The following SELENOI variants were observed in gnomAD, a reference collection of about 807,000 sequenced individuals.
SELENOI encodes ethanolaminephosphotransferase 1.
Under a neutral mutation model 50.7 loss-of-function variants are expected in SELENOI, and 24 were observed. The observed-to-expected ratio is 0.47, with a 90% CI of 0.34 to 0.67. SELENOI has a LOEUF of 0.67. Ranked by LOEUF, SELENOI falls within the 30% of genes least tolerant of loss-of-function variation. The pLI, the probability that SELENOI is intolerant of heterozygous loss-of-function variation, is 0.01. For missense variants in SELENOI, 352 were observed against 461.4 expected, an observed-to-expected ratio of 0.76 and a Z score of 2.17; for synonymous variants, 155 against 170.2, an observed-to-expected ratio of 0.91 and a Z score of 0.70.
intron 8 of SELENOI, among the ~76,000 whole-genome samples, chr2:26,385,370 A>G (rs994814556): frequency 6.6e-6 from 1 of 152,184 alleles, no homozygotes; most frequent in East Asian, 1.9e-4. Context: ...ACTATGGCAC[A>G]CTTAAATTTT....
chr2:26,353,623 A>T (rs1677003231), intron 1 of SELENOI, among the ~76,000 whole-genome samples: 2 of 152,158 alleles, frequency 1.3e-5, no homozygotes. Flanking sequence ...AATGTATTCT[A>T]GTTGTCTTAG....
chr2:26,365,227 T>C (rs552608875), intron 3 of SELENOI, among the ~76,000 whole-genome samples: 3 of 152,320 alleles, frequency 2.0e-5, no homozygotes, highest in Admixed American at 6.5e-5. Flanking sequence ...ATATCCCTTC[T>C]CCTTTTCTAG....
chr2:26,381,198 CTTTTTTTTTTTTT>C (rs57102834), intron 6 of SELENOI, among the ~76,000 whole-genome samples: 21 of 30,200 alleles, frequency 7.0e-4, no homozygotes, highest in African/African-American at 2.5e-3. Flanking sequence ...TCAGTTTGGT[CTTTTTTTTTTTTT>C]TTTTTTTTTT....
At chr2:26,357,427 C>T (rs1677086420) in intron 1 of SELENOI, among the ~76,000 whole-genome samples, 1 of 152,176 alleles carries the variant, frequency 6.6e-6, no homozygotes, top group South Asian at 2.1e-4. Context: ...CTTTACTAGC[C>T]TCCTAAGGCT....
At position 26,392,735 on chromosome 2, in the gene SELENOI, G is replaced by T. The variant is rs1677998498; in HGVS notation, c.*3632G>T. On this transcript the variant is annotated 3_prime_UTR_variant, in exon 10 of 10. Coordinates refer to ENST00000260585, the MANE Select transcript of SELENOI (RefSeq NM_033505.4). ...CCAAAAACAGATACAGAAATCTTTG[G>T]TTGTGTGGATGCCTGTGTTCAGAGT... 1 of 152,240 alleles carries T rather than the reference G, an allele frequency of 6.6e-6. No individual in the cohort carries two copies. Among genetic ancestry groups the T allele is most frequent in the African/African-American group, 2.4e-5 (1 of 41,456 alleles). The allele number at this position is 152,240 out of a possible 1,614,324, so 9.4% of individuals were successfully genotyped here. A position where few individuals can be genotyped will look rare whatever the true frequency, so the allele number is the denominator to read the frequency against.
intron 1 of SELENOI, among the ~76,000 whole-genome samples, chr2:26,363,077 C>T (rs1310533671): frequency 5.3e-5 from 8 of 152,140 alleles, no homozygotes; most frequent in Admixed American, 1.3e-4. Flanking sequence ...GCTCCCTTAC[C>T]GTATGACCCT....
chr2:26,370,879 G>T (rs1677415229), intron 4 of SELENOI, among the ~76,000 whole-genome samples: 2 of 133,950 alleles, frequency 1.5e-5, no homozygotes, highest in African/African-American at 6.0e-5. Flanking sequence ...CAGGCGGGGG[G>T]CTGACACCCC....
At chr2:26,354,203 T>G (rs1677017139) in intron 1 of SELENOI, among the ~76,000 whole-genome samples, 1 of 152,106 alleles carries the variant, frequency 6.6e-6, no homozygotes, top group Non-Finnish European at 1.5e-5. Flanking sequence ...ATTTTCCCTG[T>G]TTCACCGAGA....
At position 26,392,864 on chromosome 2, in the gene SELENOI, T is replaced by C. The variant is rs1678001761; in HGVS notation, c.*3761T>C. The C allele has an allele frequency of 6.6e-6, 1 of 152,244 alleles. No homozygotes were observed. Among genetic ancestry groups the C allele is most frequent in the Non-Finnish European group, 1.5e-5 (1 of 68,048 alleles). 9.4% of individuals were successfully genotyped at this position (152,244 alleles called of 1,614,324 possible). A position where few individuals can be genotyped will look rare whatever the true frequency, so the allele number is the denominator to read the frequency against. ...CATGAGGTGTCTTTGTAAGTCAGCA[T>C]GCTCTTGCTTGAACACCCTGTGGGT... On this transcript the variant is annotated 3_prime_UTR_variant, in exon 10 of 10. Transcript: ENST00000260585.
At chr2:26,346,934 A>G (rs1380766559) in intron 1 of SELENOI, 3 of 152,244 alleles carry the variant, frequency 2.0e-5, no homozygotes, top group Non-Finnish European at 2.9e-5. Context: ...AACCCCGCTC[A>G]GCCTCTCTTT....
intron 1 of SELENOI, among the ~76,000 whole-genome samples, chr2:26,362,527 G>A (rs543221372): frequency 2.7e-5 from 4 of 149,556 alleles, no homozygotes; most frequent in South Asian, 4.2e-4. Flanking sequence ...TTGGGAGGCC[G>A]AGGCAGGTGG....
intron 4 of SELENOI, among the ~76,000 whole-genome samples, chr2:26,367,675 A>C (rs1346566264): frequency 6.6e-6 from 1 of 152,234 alleles, no homozygotes; most frequent in Non-Finnish European, 1.5e-5. Flanking sequence ...TTTGGGAAGC[A>C]ATACTGTCAT....
rs1442025608 is a variant in SELENOI, at chr2:26,389,692, A to G, written c.*589A>G. The G allele has an allele frequency of 1.3e-5, 2 of 152,880 alleles. No individual in the cohort carries two copies. The highest frequency in any genetic ancestry group is 4.8e-5 in the African/African-American group (2 of 41,452). 9.5% of individuals were successfully genotyped at this position (152,880 alleles called of 1,614,324 possible). ...TTTAGCTAATATTCTAGCTCTCTTT[A>G]TTATGGAACAGATCTTGATAGATGG... On this transcript the variant is annotated 3_prime_UTR_variant, in exon 10 of 10. Coordinates refer to ENST00000260585, the MANE Select transcript of SELENOI (RefSeq NM_033505.4).
chr2:26,386,541 G>GTAATC lies in SELENOI; in HGVS notation c.1095+8_1095+12dup. The stretch of plus-strand genomic sequence containing the variant: ...ATCCATTATGGAGTACGAGTGGTGA[G>GTAATC]TAATCTACAGCAAAATGGGTTCAAT... On this transcript the variant is annotated splice_donor_region_variant and intron_variant, in intron 9 of 9. Transcript: ENST00000260585. 6.4e-7 allele frequency: 1 copy of GTAATC among 1,571,976 alleles called. No homozygotes were observed. Among genetic ancestry groups the GTAATC allele is most frequent in the Non-Finnish European group, 8.6e-7 (1 of 1,158,952 alleles).
chr2:26,370,947 TC>T (rs1677419439), intron 4 of SELENOI, among the ~76,000 whole-genome samples: 1 of 88,688 alleles, frequency 1.1e-5, no homozygotes, highest in Non-Finnish European at 2.5e-5. Context: ...CCCACCTCCC[TC>T]CCGGATGGGG....
rs1387841086 is a variant in SELENOI, at chr2:26,391,445, A to G, written c.*2342A>G. On this transcript the variant is annotated 3_prime_UTR_variant, in exon 10 of 10. Transcript: ENST00000260585. ...GACTTCATTCCAGATAGCTGTGTGCATTTATGTCATGCCAATTACTATAAC... is the reference window on the plus strand; with the variant it reads ...GACTTCATTCCAGATAGCTGTGTGCGTTTATGTCATGCCAATTACTATAAC... 1 of 152,328 alleles carries G rather than the reference A, an allele frequency of 6.6e-6. No homozygotes were observed. Among genetic ancestry groups the G allele is most frequent in the Non-Finnish European group, 1.5e-5 (1 of 68,038 alleles). 9.4% of individuals were successfully genotyped at this position (152,328 alleles called of 1,614,324 possible). A position where few individuals can be genotyped will look rare whatever the true frequency, so the allele number is the denominator to read the frequency against.
rs150036301 is a variant in SELENOI, at chr2:26,362,468, T to C, written c.58-1834T>C. Among the ~76,000 whole-genome samples the C allele has an allele frequency of 3.8e-3, 585 of 152,218 alleles. 4 individuals carry two copies. Among genetic ancestry groups the C allele is most frequent in the African/African-American group, 0.013 (560 of 41,524 alleles). On this transcript the variant is annotated intron_variant, in intron 1 of 9. Coordinates refer to ENST00000260585, the MANE Select transcript of SELENOI (RefSeq NM_033505.4). ...ACATACTGAACACACATAGAAAATATAAGCAAAGGTGGCCAGGTCTGGTGG... is the reference window on the plus strand; with the variant it reads ...ACATACTGAACACACATAGAAAATACAAGCAAAGGTGGCCAGGTCTGGTGG...
chr2:26,347,671 C>T (rs1432738867), intron 1 of SELENOI, among the ~76,000 whole-genome samples: 1 of 152,164 alleles, frequency 6.6e-6, no homozygotes, highest in Admixed American at 6.5e-5. Flanking sequence ...CTTTTGTTGT[C>T]TGTTCTGCAG....
chr2:26,363,904 G>A (rs1020895198), intron 1 of SELENOI, among the ~76,000 whole-genome samples: 22 of 151,968 alleles, frequency 1.4e-4, no homozygotes, highest in African/African-American at 5.3e-4. Flanking sequence ...CCATGGCCCA[G>A]CAAATTTTTG....
Sources: allele counts gnomAD v4.1 joint callset (sites outside exome capture counted in the v4.1 genomes callset), GRCh38; gene constraint gnomAD v4.1.1; transcripts MANE v1.5; gene names NCBI Gene and HGNC (gene_info 2026-07-23, HGNC 2026-07-21).